Variants in UBE2G1 observed in about 807,000 individuals in gnomAD.
UBE2G1 encodes ubiquitin conjugating enzyme E2 G1.
A neutral mutation model predicts 22.7 loss-of-function variants in UBE2G1; 5 were observed. The ratio of observed to expected loss-of-function variants is 0.22; its 90% confidence interval spans 0.12 to 0.46. The LOEUF is 0.46. UBE2G1 is among the 20% of genes least tolerant of loss of function. UBE2G1 has a pLI of 0.99. For synonymous variants in UBE2G1, 74 were observed against 67.5 expected, an observed-to-expected ratio of 1.10 and a Z score of -0.47; for missense variants, 88 against 203.9, an observed-to-expected ratio of 0.43 and a Z score of 3.46.
chr17:4,315,056 T>A (rs1791509609), intron 1 of UBE2G1, among the ~76,000 whole-genome samples: 1 of 152,212 alleles, frequency 6.6e-6, no homozygotes, highest in African/African-American at 2.4e-5. Flanking sequence ...AGTGGTGTTG[T>A]GCTGGGGGTT....
At chr17:4,343,453 A>C (rs984603802) in intron 1 of UBE2G1, among the ~76,000 whole-genome samples, 1 of 152,074 alleles carries the variant, frequency 6.6e-6, no homozygotes, top group Non-Finnish European at 1.5e-5. Context: ...GCAGTGAGCC[A>C]AAATCATGAC....
rs149345826 is a variant in UBE2G1, at chr17:4,277,415, G to A, written c.*38-4899C>T. On this transcript the variant is annotated intron_variant, in intron 5 of 5. Transcript: ENST00000396981. ...AGTCCCTCTAGCCTTGGTGCAGAAC[G>A]GAGTCCTCCTGTCCAGTGGTACACA... 7.7e-4 allele frequency among the ~76,000 whole-genome samples: 117 copies of A among 152,306 alleles called. 3 individuals are homozygous for A. In the East Asian group the frequency reaches 0.016, roughly 21 times the overall value.
At chr17:4,337,580 G>A (rs946182722) in intron 1 of UBE2G1, among the ~76,000 whole-genome samples, 9 of 151,014 alleles carry the variant, frequency 6.0e-5, no homozygotes, top group African/African-American at 2.2e-4. Flanking sequence ...TTGAACCCGG[G>A]AGGTGGAGGT....
Position 4,303,048 on chromosome 17 carries a change from CCTTTT to C in UBE2G1, c.149+3968_149+3972del, listed in dbSNP as rs1227683246. Among the ~76,000 whole-genome samples, 11 of 152,192 alleles carry C rather than the reference CCTTTT, an allele frequency of 7.2e-5. No individual in the cohort carries two copies. The South Asian group carries it at 2.1e-3, about 29-fold the overall frequency. ...TTAAGTATGTGTCTAAGGGATACAGCCTTTTCTTTATCTTACAGCAGAAAAAAAAA... is the reference window on the plus strand; with the variant it reads ...TTAAGTATGTGTCTAAGGGATACAGCCTTTATCTTACAGCAGAAAAAAAAA... On this transcript the variant is annotated intron_variant, in intron 2 of 5. Coordinates refer to ENST00000396981, the MANE Select transcript of UBE2G1 (RefSeq NM_003342.5).
At chr17:4,303,792 T>C (rs1969217675) in intron 2 of UBE2G1, among the ~76,000 whole-genome samples, 1 of 152,206 alleles carries the variant, frequency 6.6e-6, no homozygotes, top group Non-Finnish European at 1.5e-5. Context: ...ATTCTTCATT[T>C]TCTATATCTA....
At chr17:4,346,371 T>C (rs982745713) in intron 1 of UBE2G1, among the ~76,000 whole-genome samples, 1 of 152,034 alleles carries the variant, frequency 6.6e-6, no homozygotes, top group South Asian at 2.1e-4. Context: ...TTGTTTTGTA[T>C]GGTCCTTCAC....
chr17:4,364,878 G>C (rs1200738176), intron 1 of UBE2G1, among the ~76,000 whole-genome samples: 1 of 152,240 alleles, frequency 6.6e-6, no homozygotes. Flanking sequence ...CAGCGCGCCC[G>C]GCCTCAGTGC....
At chr17:4,280,310 T>G (rs1968871881) in intron 5 of UBE2G1, among the ~76,000 whole-genome samples, 1 of 146,032 alleles carries the variant, frequency 6.8e-6, no homozygotes, top group African/African-American at 2.5e-5. Context: ...GTGCTAGGAT[T>G]ACAAGTGTGA....
chr17:4,343,123 T>C (rs1398433007), intron 1 of UBE2G1, among the ~76,000 whole-genome samples: 1 of 152,208 alleles, frequency 6.6e-6, no homozygotes, highest in Admixed American at 6.5e-5. Context: ...AAAACTTTCA[T>C]GTCCTGTTCT....
chr17:4,362,777 G>A (rs1023791705), intron 1 of UBE2G1, among the ~76,000 whole-genome samples: 2 of 152,118 alleles, frequency 1.3e-5, no homozygotes, highest in Non-Finnish European at 2.9e-5. Context: ...CAGCAGAATC[G>A]CTTGAACCTG....
At chr17:4,360,699 A>G (rs1406975891) in intron 1 of UBE2G1, among the ~76,000 whole-genome samples, 1 of 150,886 alleles carries the variant, frequency 6.6e-6, no homozygotes, top group Non-Finnish European at 1.5e-5. Flanking sequence ...ATCGCCTAAG[A>G]CCGGGAGTTC....
chr17:4,319,225 C>A (rs1202499340), intron 1 of UBE2G1, among the ~76,000 whole-genome samples: 1 of 151,940 alleles, frequency 6.6e-6, no homozygotes, highest in Non-Finnish European at 1.5e-5. Context: ...TCAGAAAAAA[C>A]TGGTACAGAA....
At chr17:4,354,108 T>C (rs1175528992) in intron 1 of UBE2G1, among the ~76,000 whole-genome samples, 1 of 152,120 alleles carries the variant, frequency 6.6e-6, no homozygotes. Context: ...TGCTTGTTCT[T>C]TTCCCTCAGC....
At chr17:4,301,655 TG>T (rs1435921899) in intron 2 of UBE2G1, 2 of 796,376 alleles carry the variant, frequency 2.5e-6, no homozygotes, top group Non-Finnish European at 4.5e-6. Context: ...TTATTTGCAC[TG>T]GACAGGTTGT....
intron 1 of UBE2G1, among the ~76,000 whole-genome samples, chr17:4,325,551 C>T (rs1241758461): frequency 7.2e-5 from 11 of 152,096 alleles, no homozygotes; most frequent in Admixed American, 7.2e-4. Flanking sequence ...TTTCCTCAAA[C>T]ACAAAAAAAT....
intron 1 of UBE2G1, among the ~76,000 whole-genome samples, chr17:4,313,284 A>G (rs1281196142): frequency 6.6e-6 from 1 of 152,260 alleles, no homozygotes; most frequent in East Asian, 1.9e-4. Flanking sequence ...GTACAGCAAT[A>G]AAGTCTAAAT....
chr17:4,334,024 A>T (rs562936865), intron 1 of UBE2G1, among the ~76,000 whole-genome samples: 1 of 152,164 alleles, frequency 6.6e-6, no homozygotes, highest in South Asian at 2.1e-4. Flanking sequence ...GCAGGTCTTG[A>T]ATTGTGGCAC....
intron 2 of UBE2G1, among the ~76,000 whole-genome samples, chr17:4,303,892 G>C (rs1366710078): frequency 6.6e-6 from 1 of 151,942 alleles, no homozygotes; most frequent in Non-Finnish European, 1.5e-5. Context: ...AAATAAATAA[G>C]ACATACTCCT....
At chr17:4,333,767 C>T (rs903176530) in intron 1 of UBE2G1, among the ~76,000 whole-genome samples, 4 of 151,890 alleles carry the variant, frequency 2.6e-5, no homozygotes, top group Non-Finnish European at 4.4e-5. Flanking sequence ...TGCAGTGAGC[C>T]GAGATTGCAC....
Sources: gnomAD v4.1 joint callset for allele counts (sites outside exome capture counted in the v4.1 genomes callset) on GRCh38, gnomAD v4.1.1 for gene constraint, MANE v1.5 for transcripts, NCBI Gene and HGNC (gene_info 2026-07-23, HGNC 2026-07-21) for gene names.